RTN4IP1: variants seen among roughly 807,000 people sequenced by gnomAD.
The protein encoded by RTN4IP1 is reticulon 4 interacting protein 1.
Under a neutral mutation model 46.6 loss-of-function variants are expected in RTN4IP1, and 32 were observed. The ratio of observed to expected loss-of-function variants is 0.69; its 90% CI spans 0.52 to 0.92. RTN4IP1 has a LOEUF of 0.92. RTN4IP1 is among the 40% of genes least tolerant of loss of function. The pLI is 0.00. For missense variants in RTN4IP1, 424 were observed against 485.8 expected, an observed-to-expected ratio of 0.87 and a Z score of 1.20; for synonymous variants, 167 against 161.8, an observed-to-expected ratio of 1.03 and a Z score of -0.24.
chr6:106,612,435 G>C (rs1776248687), intron 4 of RTN4IP1, among the ~76,000 whole-genome samples: 1 of 148,048 alleles, frequency 6.8e-6, no homozygotes, highest in African/African-American at 2.5e-5. Flanking sequence ...TGACAATAGG[G>C]CATAAGACAG....
At chr6:106,604,432 T>A (rs1464970752) in intron 4 of RTN4IP1, among the ~76,000 whole-genome samples, 3 of 152,148 alleles carry the variant, frequency 2.0e-5, no homozygotes, top group Non-Finnish European at 4.4e-5. Flanking sequence ...CACTTTGACA[T>A]GCTGAGTACT....
chr6:106,615,261 T>A (rs535278917), intron 4 of RTN4IP1, among the ~76,000 whole-genome samples: 108 of 152,272 alleles, frequency 7.1e-4, no homozygotes, highest in African/African-American at 2.5e-3. Flanking sequence ...AAGAAGGCTG[T>A]CATTTTAATT....
chr6:106,582,526 C>T (rs1170194615), intron 8 of RTN4IP1, among the ~76,000 whole-genome samples: 2 of 152,282 alleles, frequency 1.3e-5, no homozygotes, highest in Non-Finnish European at 1.5e-5. Flanking sequence ...GGCTTTTTCA[C>T]CTGTAAAATG....
intron 1 of RTN4IP1, 30 bp downstream of exon 1, chr6:106,628,718 A>G: frequency 1.3e-6 from 2 of 1,571,834 alleles, no homozygotes; most frequent in Non-Finnish European, 1.7e-6. Flanking sequence ...ATTTTTTTAA[A>G]AAAGGTAACA....
chr6:106,591,410 T>C (rs1775659083), intron 6 of RTN4IP1, among the ~76,000 whole-genome samples: 1 of 152,010 alleles, frequency 6.6e-6, no homozygotes, highest in Non-Finnish European at 1.5e-5. Context: ...CGGTGTCAGA[T>C]AAGGACTCCC....
At chr6:106,576,149 A>G (rs1775220928) in intron 8 of RTN4IP1, among the ~76,000 whole-genome samples, 1 of 152,208 alleles carries the variant, frequency 6.6e-6, no homozygotes, top group African/African-American at 2.4e-5. Flanking sequence ...TTAGACAAAA[A>G]GAAGACAAAA....
At chr6:106,619,015 C>A (rs937473143) in intron 4 of RTN4IP1, among the ~76,000 whole-genome samples, 187 bp downstream of exon 4, 17 of 152,188 alleles carry the variant, frequency 1.1e-4, no homozygotes, top group African/African-American at 4.1e-4. Flanking sequence ...GGCTGAGAAT[C>A]CACAGAATGA....
intron 8 of RTN4IP1, among the ~76,000 whole-genome samples, chr6:106,576,049 T>C (rs1206004368): frequency 6.6e-6 from 1 of 152,198 alleles, no homozygotes; most frequent in Non-Finnish European, 1.5e-5. Context: ...CACTACCTCC[T>C]GGACAGGTAT....
chr6:106,629,851 T>A, upstream of RTN4IP1: 1 of 972,770 alleles, frequency 1.0e-6, no homozygotes, highest in Non-Finnish European at 1.5e-6. Context: ...ACCTTTCGAT[T>A]CTTCGGGTGT....
At chr6:106,579,629 T>TA (rs1265839391) in intron 8 of RTN4IP1, among the ~76,000 whole-genome samples, 1 of 152,038 alleles carries the variant, frequency 6.6e-6, no homozygotes. Flanking sequence ...TTGTTGTTCA[T>TA]AAAGAAGGTA....
At chr6:106,629,630 C>T (rs1776764477), upstream of RTN4IP1, 1 of 1,575,638 alleles carries the variant, frequency 6.3e-7, no homozygotes, top group Non-Finnish European at 8.6e-7. Flanking sequence ...GACCGGTGAC[C>T]TCTTTTTCCC....
intron 6 of RTN4IP1, among the ~76,000 whole-genome samples, chr6:106,589,506 G>A (rs952218179): frequency 2.6e-5 from 4 of 151,944 alleles, no homozygotes; most frequent in African/African-American, 9.7e-5. Context: ...AGGGCAGCCT[G>A]GTATTATAGA....
chr6:106,629,633 T>C, upstream of RTN4IP1: 1 of 1,576,768 alleles, frequency 6.3e-7, no homozygotes, highest in Non-Finnish European at 8.6e-7. Context: ...CGGTGACCTC[T>C]TTTTCCCCCT....
chr6:106,608,984 C>T (rs985781069), intron 4 of RTN4IP1, among the ~76,000 whole-genome samples: 14 of 152,268 alleles, frequency 9.2e-5, no homozygotes, highest in African/African-American at 3.4e-4. Context: ...AGACTCTGTT[C>T]CCCTAATTCT....
At chr6:106,588,757 A>C (rs1775547133) in intron 6 of RTN4IP1, among the ~76,000 whole-genome samples, 1 of 152,188 alleles carries the variant, frequency 6.6e-6, no homozygotes, top group African/African-American at 2.4e-5. Context: ...TCAAACATTA[A>C]AGTTCCTAAA....
intron 6 of RTN4IP1, 78 bp downstream of exon 6, chr6:106,592,086 G>A: frequency 1.4e-6 from 2 of 1,414,642 alleles, no homozygotes; most frequent in Non-Finnish European, 9.7e-7. Context: ...TGATTGTAAA[G>A]CCACCAAGCC....
chr6:106,598,892 T>C (rs951655150), intron 5 of RTN4IP1, among the ~76,000 whole-genome samples: 2 of 152,068 alleles, frequency 1.3e-5, no homozygotes, highest in African/African-American at 4.8e-5. Context: ...AAGGAAGGGA[T>C]CCATGCATTT....
chr6:106,628,645 A>C, intron 1 of RTN4IP1, 103 bp downstream of exon 1: 1 of 1,110,214 alleles, frequency 9.0e-7, no homozygotes, highest in Non-Finnish European at 1.3e-6. Context: ...AACCTAAATG[A>C]TTCATTTATG....
chr6:106,627,237 TAC>T lies in RTN4IP1; in HGVS notation c.274+1509_274+1510del, dbSNP rs1390310623. Among the ~76,000 whole-genome samples the T allele has an allele frequency of 5.3e-5, 8 of 152,296 alleles. No homozygotes were observed. In the East Asian group the frequency reaches 1.5e-3, roughly 29 times the overall value. ...AATACTATATAAAAGTAAAATGTTT[TAC>T]AGTGTTATATTATTAAACAGCAGCC... is the stretch of plus-strand genomic sequence containing the variant. On this transcript the variant is annotated intron_variant, in intron 1 of 8. Transcript: ENST00000369063.
Sources: allele counts gnomAD v4.1 joint callset (sites outside exome capture counted in the v4.1 genomes callset), GRCh38; gene constraint gnomAD v4.1.1; transcripts MANE v1.5; gene names NCBI Gene and HGNC (gene_info 2026-07-23, HGNC 2026-07-21).